Variants in SYCP2L observed in about 807,000 individuals in gnomAD.
SYCP2L encodes synaptonemal complex protein 2-like.
In SYCP2L, 98 loss-of-function variants were observed where a neutral mutation model predicts 125.8. That is an observed-to-expected ratio of 0.78 (90% CI 0.66 to 0.92). The LOEUF is 0.92. SYCP2L is among the 40% of genes least tolerant of loss of function. The probability of loss-of-function intolerance (pLI) is 0.00; values close to 1 mark genes in which losing one functional copy is unlikely to be tolerated. For synonymous variants in SYCP2L, 317 were observed against 325.4 expected (o/e 0.97, Z 0.28); for missense variants, 842 against 936.4 (o/e 0.90, Z 1.32).
chr6:10,926,370 A>G lies in SYCP2L; in HGVS notation c.1250A>G (p.Glu417Gly). The G allele has an allele frequency of 6.2e-7, 1 of 1,613,944 alleles. No individual in the cohort carries two copies. Among genetic ancestry groups the G allele is most frequent in the Non-Finnish European group, 8.5e-7 (1 of 1,179,924 alleles). ...MLPDQTKISS[E>G]LFSKSDKEDR... ...CCTGACCAGACGAAAATCTCCTCAG[A>G]ACTTTTTAGTAAGTCTGATAAAGAA... Residue 417 changes from glutamate (E) to glycine (G), a missense_variant, in exon 16 of 30, where the codon GAA becomes GGA. Physicochemically the swap from Glu to Gly is moderately conservative, Grantham distance 98. Transcript: ENST00000283141.
Position 10,907,670 on chromosome 6 carries a change from C to A in SYCP2L, c.805C>A (p.Arg269=). The A allele has an allele frequency of 6.2e-7, 1 of 1,611,704 alleles. No individual in the cohort carries two copies. The highest frequency in any genetic ancestry group is 1.1e-5 in the South Asian group (1 of 90,692). ...IAEAFKEIKD[R]EFETDSRRFL... The stretch of plus-strand genomic sequence containing the variant: ...TGAAGCTTTCAAAGAAATTAAGGAT[C>A]GAGAATTTGAGACGGTGAGATTCCT... Residue 269 remains arginine, a synonymous_variant, in exon 10 of 30, where the codon CGA becomes AGA. Coordinates refer to ENST00000283141, the MANE Select transcript of SYCP2L (RefSeq NM_001040274.3).
At chr6:10,920,742 A>G (rs1238152196) in intron 14 of SYCP2L, among the ~76,000 whole-genome samples, 2 of 150,944 alleles carry the variant, frequency 1.3e-5, no homozygotes, top group African/African-American at 2.4e-5. Context: ...TAATGGGTAC[A>G]TGTGCGGGAT....
chr6:10,907,790 G>A (rs1227975178), intron 10 of SYCP2L, 106 bp downstream of exon 10: 6 of 1,067,404 alleles, frequency 5.6e-6, no homozygotes, highest in Non-Finnish European at 8.1e-6. Context: ...TTGCTTAAGT[G>A]TGATTACACT....
At chr6:10,959,657 G>T (rs1781563697) in intron 26 of SYCP2L, among the ~76,000 whole-genome samples, 1 of 151,514 alleles carries the variant, frequency 6.6e-6, no homozygotes, top group African/African-American at 2.4e-5. Flanking sequence ...ATCACCTGAG[G>T]TCGGGAGTTC....
At chr6:10,920,452 A>C (rs1423680729) in intron 14 of SYCP2L, among the ~76,000 whole-genome samples, 1 of 152,128 alleles carries the variant, frequency 6.6e-6, no homozygotes, top group African/African-American at 2.4e-5. Flanking sequence ...CCTGACCTCA[A>C]GTGATCCAAC....
intron 23 of SYCP2L, among the ~76,000 whole-genome samples, chr6:10,953,618 T>C (rs1032308726): frequency 2.0e-5 from 3 of 152,240 alleles, no homozygotes; most frequent in Non-Finnish European, 4.4e-5. Flanking sequence ...TTGGGTATTC[T>C]GCAGCATTCA....
At chr6:10,957,818 A>AT (rs757230471) in intron 25 of SYCP2L, among the ~76,000 whole-genome samples, 15 of 151,818 alleles carry the variant, frequency 9.9e-5, no homozygotes, top group East Asian at 5.8e-4. Flanking sequence ...CCATGTCTCT[A>AT]TTTTTTTTAA....
intron 14 of SYCP2L, among the ~76,000 whole-genome samples, chr6:10,918,251 C>T (rs1361962641): frequency 6.6e-6 from 1 of 151,722 alleles, no homozygotes; most frequent in Non-Finnish European, 1.5e-5. Context: ...TGTGCCTCGC[C>T]AATGATCTTT....
At chr6:10,948,548 G>A (rs1293331382) in intron 23 of SYCP2L, among the ~76,000 whole-genome samples, 1 of 152,074 alleles carries the variant, frequency 6.6e-6, no homozygotes, top group Non-Finnish European at 1.5e-5. Flanking sequence ...AGCCATACTT[G>A]TGTTCCTGGG....
chr6:10,959,759 C>T (rs1209043956), intron 26 of SYCP2L, among the ~76,000 whole-genome samples: 1 of 151,318 alleles, frequency 6.6e-6, no homozygotes, highest in Non-Finnish European at 1.5e-5. Flanking sequence ...ATCCCAGCTA[C>T]TTGGGAGGCT....
chr6:10,926,497 G>A (rs1052697572), intron 16 of SYCP2L, 65 bp downstream of exon 16: 2 of 1,308,464 alleles, frequency 1.5e-6, no homozygotes, highest in African/African-American at 1.5e-5. Context: ...ACCTTAGTTG[G>A]AAGAGGTCAC....
Position 10,942,596 on chromosome 6 carries a change from G to C in SYCP2L, c.1884+67G>C, listed in dbSNP as rs547901637. The C allele has an allele frequency of 1.1e-5, 18 of 1,577,400 alleles. No individual in the cohort carries two copies. In the African/African-American group the frequency reaches 2.4e-4, roughly 21 times the overall value. Reference sequence around the variant, plus strand: ...TAATATCATATTTGCATAACACATTGGCTATTCCTTCTGACGAGTACACCA... The same window carrying C: ...TAATATCATATTTGCATAACACATTCGCTATTCCTTCTGACGAGTACACCA... On this transcript the variant is annotated intron_variant, in intron 22 of 29. Coordinates refer to ENST00000283141, the MANE Select transcript of SYCP2L (RefSeq NM_001040274.3).
At chr6:10,908,131 G>T (rs573328941) in intron 10 of SYCP2L, among the ~76,000 whole-genome samples, 1 of 151,834 alleles carries the variant, frequency 6.6e-6, no homozygotes, top group Non-Finnish European at 1.5e-5. Flanking sequence ...CAGGTGATCC[G>T]CCCACCTTGG....
At chr6:10,924,397 C>T (rs1242565473) in intron 14 of SYCP2L, 99 bp from the exon 15 acceptor site, 10 of 990,982 alleles carry the variant, frequency 1.0e-5, no homozygotes, top group Non-Finnish European at 1.4e-5. Context: ...ACAGAAAAAT[C>T]TGGACAAATA....
At chr6:10,935,615 C>T (rs113489665) in intron 21 of SYCP2L, among the ~76,000 whole-genome samples, 2,904 of 152,176 alleles carry the variant, frequency 0.019, 112 homozygotes, top group African/African-American at 0.066. Context: ...ACCTCCGCCT[C>T]CCAGGTTCAA....
chr6:10,942,442 TTCTC>T lies in SYCP2L; in HGVS notation c.1814-13_1814-10del. ...TACTTGGCGTGTATTCACTTGAAACTTCTCTCTAATGCTCAGAGCTTCAAGATCC... is the reference window on the plus strand; with the variant it reads ...TACTTGGCGTGTATTCACTTGAAACTTCTAATGCTCAGAGCTTCAAGATCC... On this transcript the variant is annotated splice_polypyrimidine_tract_variant and intron_variant, in intron 21 of 29. Transcript: ENST00000283141. The T allele has an allele frequency of 1.3e-6, 2 of 1,535,654 alleles. No individual in the cohort carries two copies. Among genetic ancestry groups the T allele is most frequent in the Non-Finnish European group, 1.7e-6 (2 of 1,144,494 alleles).
intron 20 of SYCP2L, among the ~76,000 whole-genome samples, chr6:10,931,824 G>T (rs1384757605): frequency 6.6e-6 from 1 of 152,032 alleles, no homozygotes; most frequent in Non-Finnish European, 1.5e-5. Flanking sequence ...AATTAGCCAG[G>T]CGTGGTAGCA....
Position 10,954,483 on chromosome 6 carries a change from G to A in SYCP2L, c.1955-633G>A, listed in dbSNP as rs981878739. On this transcript the variant is annotated intron_variant, in intron 23 of 29. Transcript: ENST00000283141. The surrounding 1 kb of genome is among the most constrained non-coding windows in gnomAD (Gnocchi z 4.8). ...GGCAGCAAAGAAAAGGAGGAGTTGA[G>A]CATAAAGCCAGGGCTCTGTGAACCA... Among the ~76,000 whole-genome samples, 1 of 152,154 alleles carries A rather than the reference G, an allele frequency of 6.6e-6. No homozygotes were observed. The highest frequency in any genetic ancestry group is 2.4e-5 in the African/African-American group (1 of 41,438).
chr6:10,927,097 G>A, intron 16 of SYCP2L, 143 bp from the exon 17 acceptor site: 1 of 1,408,340 alleles, frequency 7.1e-7, no homozygotes, highest in Non-Finnish European at 9.3e-7. Flanking sequence ...ATAGCTTTCT[G>A]ATTGGAGGTT....
Sources: allele counts gnomAD v4.1 joint callset (sites outside exome capture counted in the v4.1 genomes callset), GRCh38; gene constraint gnomAD v4.1.1; non-coding constraint Gnocchi (gnomAD v3.1); transcripts MANE v1.5; gene names NCBI Gene and HGNC (gene_info 2026-07-23, HGNC 2026-07-21).